KIAA1958: variants seen among roughly 807,000 people sequenced by gnomAD.
KIAA1958 encodes KIAA1958.
KIAA1958 carries 14 observed loss-of-function variants against 47.2 expected under a neutral mutation model. The observed-to-expected ratio is 0.30, with a 90% CI of 0.20 to 0.46. The LOEUF (loss-of-function observed/expected upper bound fraction) is 0.46. Ranked by LOEUF, KIAA1958 falls within the 20% of genes least tolerant of loss-of-function variation. KIAA1958 has a pLI of 1.00. For synonymous variants in KIAA1958, 354 were observed against 353.3 expected (o/e 1.00, Z -0.02); for missense variants, 803 against 909.2 (o/e 0.88, Z 1.50).
rs1259651874 is a variant in KIAA1958, at chr9:112,503,555, T to C, written c.-25+16437T>C. Among the ~76,000 whole-genome samples, 3 of 140,572 alleles carry C rather than the reference T, an allele frequency of 2.1e-5. No homozygotes were observed. The East Asian group carries it at 6.2e-4, about 29-fold the overall frequency. 92.2% of individuals were successfully genotyped at this position (140,572 alleles called of 152,430 possible). On this transcript the variant is annotated intron_variant, in intron 1 of 3. Transcript: ENST00000337530. ...TCCCAGCTACTAGGGAGGCTGAGGC[T>C]GCAATGAGCTGTGTTCATACCACTG...
intron 1 of KIAA1958, among the ~76,000 whole-genome samples, chr9:112,493,827 A>G (rs949518334): frequency 2.6e-5 from 4 of 152,136 alleles, no homozygotes; most frequent in South Asian, 4.1e-4. Flanking sequence ...TTTCCCCTCA[A>G]CTATCTTTAA....
intron 2 of KIAA1958, among the ~76,000 whole-genome samples, chr9:112,636,096 ATTGT>A (rs1220487040): frequency 4.7e-5 from 7 of 148,586 alleles, no homozygotes; most frequent in Non-Finnish European, 1.0e-4. Context: ...ACCAGAAAGA[ATTGT>A]TTATTTTATA....
chr9:112,591,497 C>G lies in KIAA1958; in HGVS notation c.1171+16246C>G, dbSNP rs193026900. ...ATATTTAAAACCATAACTTCATTCCCTCTTATTTTTTATAGAAGTATTTAT... is the reference window on the plus strand; with the variant it reads ...ATATTTAAAACCATAACTTCATTCCGTCTTATTTTTTATAGAAGTATTTAT... On this transcript the variant is annotated intron_variant, in intron 2 of 3. Coordinates refer to ENST00000337530, the MANE Select transcript of KIAA1958 (RefSeq NM_133465.4). Among the ~76,000 whole-genome samples the G allele has an allele frequency of 2.6e-5, 4 of 152,154 alleles. No homozygotes were observed. In the East Asian group the frequency reaches 5.8e-4, roughly 22 times the overall value.
intron 1 of KIAA1958, among the ~76,000 whole-genome samples, chr9:112,519,842 AC>A (rs1389876872): frequency 2.0e-5 from 3 of 152,302 alleles, no homozygotes; most frequent in African/African-American, 7.2e-5. Context: ...TATTAATTGA[AC>A]CCCAGTAGAT....
intron 2 of KIAA1958, among the ~76,000 whole-genome samples, chr9:112,627,243 G>T (rs549180974): frequency 1.3e-5 from 2 of 152,250 alleles, no homozygotes; most frequent in East Asian, 1.9e-4. Flanking sequence ...AAGAAAGCAA[G>T]AATTCTGAAC....
At chr9:112,600,549 C>T (rs974597367) in intron 2 of KIAA1958, among the ~76,000 whole-genome samples, 1 of 152,174 alleles carries the variant, frequency 6.6e-6, no homozygotes, top group African/African-American at 2.4e-5. Context: ...ACACAATTAG[C>T]TTATCAAATC....
intron 2 of KIAA1958, among the ~76,000 whole-genome samples, chr9:112,616,528 T>A (rs1398178389): frequency 6.6e-6 from 1 of 152,210 alleles, no homozygotes; most frequent in Non-Finnish European, 1.5e-5. Context: ...CTAGATAACA[T>A]AATTAAGATA....
chr9:112,523,680 T>G (rs1052406789), intron 1 of KIAA1958, among the ~76,000 whole-genome samples: 2 of 152,178 alleles, frequency 1.3e-5, no homozygotes, highest in African/African-American at 2.4e-5. Context: ...GGGAGTTATG[T>G]TCTCAGAAGT....
At chr9:112,564,352 A>G (rs1333795863) in intron 1 of KIAA1958, among the ~76,000 whole-genome samples, 5 of 152,156 alleles carry the variant, frequency 3.3e-5, no homozygotes, top group African/African-American at 1.2e-4. Context: ...CAATTTTGTC[A>G]TGCATCAGCA....
rs145175140 is a variant in KIAA1958 at position 112,545,823 on chromosome 9, T to TTG, written c.-24-28232_-24-28231dup. 5.9e-3 allele frequency among the ~76,000 whole-genome samples: 209 copies of TTG among 35,684 alleles called. 10 individuals are homozygous for TTG. Among genetic ancestry groups the TTG allele is most frequent in the Middle Eastern group, 0.01 (1 of 98 alleles). 23.4% of individuals were successfully genotyped at this position (35,684 alleles called of 152,430 possible). A position where few individuals can be genotyped will look rare whatever the true frequency, so the allele number is the denominator to read the frequency against. On this transcript the variant is annotated intron_variant, in intron 1 of 3. Coordinates refer to ENST00000337530, the MANE Select transcript of KIAA1958 (RefSeq NM_133465.4). ...TTTCTTTAGTGATACACAGGTTTCT[T>TTG]TGTTTTTTTTTTTTTTTTTTTTTAG... is the stretch of plus-strand genomic sequence containing the variant.
intron 1 of KIAA1958, among the ~76,000 whole-genome samples, chr9:112,495,318 G>A (rs754390344): frequency 6.6e-6 from 1 of 152,064 alleles, no homozygotes; most frequent in Non-Finnish European, 1.5e-5. Flanking sequence ...AAATTAGATG[G>A]ACTTACCTGT....
chr9:112,631,534 G>GAAAAAAAAAAAAAAAAAAAA (rs57805823), intron 2 of KIAA1958, among the ~76,000 whole-genome samples: 2 of 98,294 alleles, frequency 2.0e-5, no homozygotes, highest in Non-Finnish European at 2.1e-5. Flanking sequence ...CTCTCTCAAA[G>GAAAAAAAAAAAAAAAAAAAA]AAAAAAAAAA....
At chr9:112,502,092 G>A (rs1253583204) in intron 1 of KIAA1958, among the ~76,000 whole-genome samples, 2 of 152,144 alleles carry the variant, frequency 1.3e-5, no homozygotes, top group African/African-American at 4.8e-5. Flanking sequence ...CCCATTTCTG[G>A]TGAGTAGAAA....
At chr9:112,587,001 C>A (rs922805429) in intron 2 of KIAA1958, among the ~76,000 whole-genome samples, 1 of 152,144 alleles carries the variant, frequency 6.6e-6, no homozygotes, top group Admixed American at 6.5e-5. Flanking sequence ...GCTGCCTGAC[C>A]ATCTTGGGTC....
At chr9:112,632,801 G>A (rs905620789) in intron 2 of KIAA1958, among the ~76,000 whole-genome samples, 2 of 151,420 alleles carry the variant, frequency 1.3e-5, no homozygotes, top group Admixed American at 6.6e-5. Flanking sequence ...AAATTTTTTC[G>A]CATGTAATCA....
chr9:112,665,969 A>C lies in KIAA1958; in HGVS notation c.*5900A>C, dbSNP rs779160258. ...ATTTTTATAATCTGTAGGCTATAGC[A>C]CTGTCATAGAAAAATATACCTTTTT... On this transcript the variant is annotated 3_prime_UTR_variant, in exon 4 of 4. Coordinates refer to ENST00000337530, the MANE Select transcript of KIAA1958 (RefSeq NM_133465.4). 1 of 151,532 alleles carries C rather than the reference A, an allele frequency of 6.6e-6. No individual in the cohort carries two copies. Among genetic ancestry groups the C allele is most frequent in the Non-Finnish European group, 1.5e-5 (1 of 67,976 alleles). The allele number at this position is 151,532 out of a possible 1,614,324, so 9.4% of individuals were successfully genotyped here. A position where few individuals can be genotyped will look rare whatever the true frequency, so the allele number is the denominator to read the frequency against.
intron 3 of KIAA1958, among the ~76,000 whole-genome samples, chr9:112,654,462 T>C (rs1837114796): frequency 6.6e-6 from 1 of 152,088 alleles, no homozygotes; most frequent in African/African-American, 2.4e-5. Context: ...AGATGTAAAT[T>C]TGGGGGAGTG....
Position 112,574,638 on chromosome 9 carries a change from C to T in KIAA1958, c.558C>T (p.Ser186=). The change falls in exon 2 of 4, where the codon TCC becomes TCT. Residue 186 remains serine (S), a synonymous_variant. Coordinates refer to ENST00000337530, the MANE Select transcript of KIAA1958 (RefSeq NM_133465.4). The part of the protein sequence containing the change: ...GVVPSSLHSS[S]QTQMVDECSN... ...TCCCATCTTCCCTCCATTCAAGCTC[C>T]CAGACGCAGATGGTTGACGAATGCA... is the stretch of plus-strand genomic sequence containing the variant. 2 of 1,614,140 alleles carry T rather than the reference C, an allele frequency of 1.2e-6. No homozygotes were observed. Among genetic ancestry groups the T allele is most frequent in the Non-Finnish European group, 1.7e-6 (2 of 1,180,026 alleles).
chr9:112,633,141 A>G (rs1836740878), intron 2 of KIAA1958, among the ~76,000 whole-genome samples: 1 of 150,962 alleles, frequency 6.6e-6, no homozygotes, highest in African/African-American at 2.4e-5. Flanking sequence ...CTATTTGTCT[A>G]TTTCTTACAA....
Sources: gnomAD v4.1 joint callset for allele counts (sites outside exome capture counted in the v4.1 genomes callset) on GRCh38, gnomAD v4.1.1 for gene constraint, MANE v1.5 for transcripts, NCBI Gene and HGNC (gene_info 2026-07-23, HGNC 2026-07-21) for gene names.